ACER2: variants seen among roughly 807,000 people sequenced by gnomAD.
The protein encoded by ACER2 is alkaline ceramidase 2, also known as alkCDase 2.
Under a neutral mutation model 34.7 loss-of-function variants are expected in ACER2, and 26 were observed. The ratio of observed to expected loss-of-function variants is 0.75; its 90% CI spans 0.55 to 1.04. ACER2 has a LOEUF of 1.04. ACER2 is among the 50% of genes least tolerant of loss of function. The pLI, the probability that ACER2 is intolerant of heterozygous loss-of-function variation, is 0.00. For missense variants in ACER2, 352 were observed against 340.8 expected, an observed-to-expected ratio of 1.03 and a Z score of -0.26; for synonymous variants, 138 against 132.1, an observed-to-expected ratio of 1.04 and a Z score of -0.31.
At position 19,449,911 on chromosome 9, in the gene ACER2, A is replaced by AAAT. The variant is rs1337770083; in HGVS notation, c.642-539_642-538insAAT. On this transcript the variant is annotated intron_variant, in intron 5 of 5. Transcript: ENST00000340967. Reference sequence around the variant, plus strand: ...CATTTAAAAAAAAAAAAAAAAAAAAAGGATTACATGCTTTTAAATGGTCTA... The same window carrying AAAT: ...CATTTAAAAAAAAAAAAAAAAAAAAAAATGGATTACATGCTTTTAAATGGTCTA... Among the ~76,000 whole-genome samples the AAAT allele has an allele frequency of 6.8e-3, 1,002 of 147,848 alleles. 14 individuals carry two copies. Among genetic ancestry groups the AAAT allele is most frequent in the African/African-American group, 0.024 (944 of 38,676 alleles).
chr9:19,426,739 C>T (rs1830583383), intron 3 of ACER2, among the ~76,000 whole-genome samples: 2 of 151,966 alleles, frequency 1.3e-5, no homozygotes, highest in South Asian at 4.2e-4. Flanking sequence ...GGGGTGATGA[C>T]ATTGGTAGTT....
chr9:19,435,564 G>T (rs183348970), intron 4 of ACER2, among the ~76,000 whole-genome samples: 143 of 152,272 alleles, frequency 9.4e-4, no homozygotes, highest in Admixed American at 1.9e-3. Flanking sequence ...CTTTGCATTA[G>T]CATTTTCTTT....
At chr9:19,427,927 A>G (rs1047901387) in intron 3 of ACER2, among the ~76,000 whole-genome samples, 31 of 151,682 alleles carry the variant, frequency 2.0e-4, no homozygotes, top group African/African-American at 7.5e-4. Flanking sequence ...TGGCCTCCCA[A>G]AGTGCTGGGA....
chr9:19,424,286 A>G (rs1830495245), intron 2 of ACER2: 1 of 868,774 alleles, frequency 1.2e-6, no homozygotes, highest in Non-Finnish European at 1.4e-6. Context: ...TTTCTAATGG[A>G]CTAAAATTAA....
At position 19,428,776 on chromosome 9, in the gene ACER2, G is replaced by GTTT. The variant is rs10569579; in HGVS notation, c.365+3964_365+3966dup. Among the ~76,000 whole-genome samples the GTTT allele has an allele frequency of 1.6e-3, 122 of 77,900 alleles. 4 individuals are homozygous for GTTT. The highest frequency in any genetic ancestry group is 2.0e-3 in the Non-Finnish European group (85 of 42,668). 51.1% of individuals were successfully genotyped at this position (77,900 alleles called of 152,430 possible). On this transcript the variant is annotated intron_variant, in intron 3 of 5. Transcript: ENST00000340967. The stretch of plus-strand genomic sequence containing the variant: ...TTATGAATGGCTTATGGACAAGTGG[G>GTTT]TTTTTTTTTTTTTTTTTTTTTTTTT...
chr9:19,441,405 C>G (rs1403852057), intron 4 of ACER2, among the ~76,000 whole-genome samples: 2 of 152,130 alleles, frequency 1.3e-5, no homozygotes, highest in African/African-American at 4.8e-5. Context: ...GTTCCAAATC[C>G]TTGACATGCT....
At chr9:19,426,662 T>C (rs1830581971) in intron 3 of ACER2, among the ~76,000 whole-genome samples, 1 of 152,206 alleles carries the variant, frequency 6.6e-6, no homozygotes. Flanking sequence ...AGAAAACCTT[T>C]TTTTTCTTTT....
intron 1 of ACER2, among the ~76,000 whole-genome samples, chr9:19,419,491 C>G (rs1030788894): frequency 6.6e-6 from 1 of 152,132 alleles, no homozygotes; most frequent in Non-Finnish European, 1.5e-5. Context: ...AAAGGCTGAG[C>G]ATGGGAGCTC....
chr9:19,412,743 T>C (rs755694190), intron 1 of ACER2, among the ~76,000 whole-genome samples: 91 of 152,266 alleles, frequency 6.0e-4, no homozygotes, highest in Admixed American at 4.3e-3. Flanking sequence ...TAAACTCTTA[T>C]GTACCTTGTG....
chr9:19,435,835 G>T (rs1431703047), intron 4 of ACER2, among the ~76,000 whole-genome samples: 2 of 151,664 alleles, frequency 1.3e-5, no homozygotes, highest in Non-Finnish European at 2.9e-5. Context: ...GGATCACGAG[G>T]TCAGGAGATG....
chr9:19,446,416 G>A lies in ACER2; in HGVS notation c.639G>A (p.Met213Ile), dbSNP rs773793732. 5.3e-5 allele frequency: 86 copies of A among 1,614,176 alleles called. No individual in the cohort carries two copies. The highest frequency in any genetic ancestry group is 7.2e-5 in the Non-Finnish European group (85 of 1,180,032). ...SSFNFPYLHC[M>I]WHILICLAAY... ...TCAACTTCCCCTACCTGCACTGCAT[G>A]TGGTAAGCCCCTGCTAATGGGGAGG... The change falls in exon 5 of 6, where the codon ATG becomes ATA. Residue 213 changes from methionine to isoleucine, a missense_variant and splice_region_variant. Met to Ile is a conservative substitution (Grantham distance 10, BLOSUM62 1). Transcript: ENST00000340967.
chr9:19,436,943 CCT>C (rs1179220398), intron 4 of ACER2, among the ~76,000 whole-genome samples: 1 of 152,164 alleles, frequency 6.6e-6, no homozygotes, highest in Admixed American at 6.6e-5. Flanking sequence ...CAGCCTCCTC[CCT>C]CTCTGAATTT....
At position 19,421,434 on chromosome 9, in the gene ACER2, C is replaced by T. The variant is rs568755449; in HGVS notation, c.109-2428C>T. The stretch of plus-strand genomic sequence containing the variant: ...AAAAAGAATAAGTTACTGGTATATG[C>T]TGTAATATGGATGAACCTTAAAAAC... On this transcript the variant is annotated intron_variant, in intron 1 of 5. Transcript: ENST00000340967. Among the ~76,000 whole-genome samples the T allele has an allele frequency of 1.3e-3, 193 of 152,142 alleles. 1 individual carries two copies. Among genetic ancestry groups the T allele is most frequent in the African/African-American group, 4.6e-3 (189 of 41,506 alleles).
chr9:19,434,048 T>A (rs1220801451), intron 3 of ACER2, among the ~76,000 whole-genome samples: 2 of 142,172 alleles, frequency 1.4e-5, no homozygotes, highest in African/African-American at 5.7e-5. Flanking sequence ...GTCTCCTCAC[T>A]TCTCAGACGG....
chr9:19,411,922 A>AT (rs748166164), intron 1 of ACER2, among the ~76,000 whole-genome samples: 18 of 152,278 alleles, frequency 1.2e-4, no homozygotes, highest in Admixed American at 3.9e-4. Context: ...GGTGCTATTT[A>AT]TTATATCCAT....
chr9:19,447,482 G>C (rs576638623), intron 5 of ACER2, among the ~76,000 whole-genome samples: 1 of 152,246 alleles, frequency 6.6e-6, no homozygotes, highest in Admixed American at 6.5e-5. Context: ...TACCGTCTTA[G>C]GATCCATTGC....
chr9:19,430,176 C>G (rs567589591), intron 3 of ACER2, among the ~76,000 whole-genome samples: 1 of 141,360 alleles, frequency 7.1e-6, no homozygotes, highest in East Asian at 2.5e-4. Flanking sequence ...AGTCTGAAAA[C>G]AAAGCTTTAC....
chr9:19,435,482 A>G (rs1203086299), intron 4 of ACER2, among the ~76,000 whole-genome samples: 2 of 152,234 alleles, frequency 1.3e-5, no homozygotes, highest in African/African-American at 2.4e-5. Flanking sequence ...CTTCAGGTGG[A>G]CTGCAGTTGA....
At chr9:19,432,827 C>G (rs1258780888) in intron 3 of ACER2, among the ~76,000 whole-genome samples, 1 of 150,738 alleles carries the variant, frequency 6.6e-6, no homozygotes, top group African/African-American at 2.4e-5. Context: ...CTCCTGGGCT[C>G]AGGCCATCCT....
Sources: allele counts gnomAD v4.1 joint callset (sites outside exome capture counted in the v4.1 genomes callset), GRCh38; gene constraint gnomAD v4.1.1; transcripts MANE v1.5; gene names NCBI Gene and HGNC (gene_info 2026-07-23, HGNC 2026-07-21).